Variants in ATP6V1B1 observed in about 807,000 individuals in gnomAD.
ATP6V1B1 encodes ATPase H+ transporting V1 subunit B1, also known as V-type proton ATPase subunit B, kidney isoform.
In ATP6V1B1, 41 loss-of-function variants were observed where a neutral mutation model predicts 62.1. That is an observed-to-expected ratio of 0.66 (90% CI 0.51 to 0.86). The LOEUF (loss-of-function observed/expected upper bound fraction) is 0.86. Ranked by LOEUF, ATP6V1B1 falls within the 40% of genes least tolerant of loss-of-function variation. ATP6V1B1 has a pLI of 0.00. For synonymous variants in ATP6V1B1, 253 were observed against 273.4 expected (o/e 0.93, Z 0.74); for missense variants, 651 against 697.5 (o/e 0.93, Z 0.75).
chr2:70,957,147 C>T (rs145175669), intron 2 of ATP6V1B1, among the ~76,000 whole-genome samples: 5,484 of 141,406 alleles, frequency 0.039, 176 homozygotes, highest in East Asian at 0.11. Flanking sequence ...AGTGCAGTGG[C>T]GTGATGTCGG....
intron 2 of ATP6V1B1, chr2:70,947,679 C>A (rs1178694735): frequency 6.6e-6 from 1 of 152,260 alleles, no homozygotes; most frequent in Non-Finnish European, 1.5e-5. Flanking sequence ...TTCCTGTGCA[C>A]AAATCCCGAC....
chr2:70,942,706 G>T (rs1402004635), intron 1 of ATP6V1B1, among the ~76,000 whole-genome samples: 1 of 152,210 alleles, frequency 6.6e-6, no homozygotes, highest in Non-Finnish European at 1.5e-5. Context: ...GTGAAAGAGG[G>T]GTTGGGCCAC....
intron 1 of ATP6V1B1, chr2:70,940,330 CCCCT>C: frequency 1.2e-6 from 1 of 833,488 alleles, no homozygotes; most frequent in Non-Finnish European, 1.4e-6. Flanking sequence ...TGGGCCCCAT[CCCCT>C]CCCACACCCC....
chr2:70,944,762 A>G (rs1179576445), intron 2 of ATP6V1B1, among the ~76,000 whole-genome samples: 1 of 143,992 alleles, frequency 6.9e-6, no homozygotes, highest in Admixed American at 7.3e-5. Context: ...TCCGCCCTCC[A>G]GGTTCACGCT....
chr2:70,957,756 C>A (rs1011868292), intron 2 of ATP6V1B1: 8 of 436,842 alleles, frequency 1.8e-5, no homozygotes, highest in African/African-American at 1.6e-4. Context: ...TTACTTATGA[C>A]TTACGTATTT....
At chr2:70,961,054 G>C (rs1553420010) in intron 7 of ATP6V1B1, 32 bp downstream of exon 7, 1 of 1,552,520 alleles carries the variant, frequency 6.4e-7, no homozygotes. Flanking sequence ...GCAAGTTCTG[G>C]AGGCTGTGAG....
intron 2 of ATP6V1B1, among the ~76,000 whole-genome samples, chr2:70,945,595 C>T (rs963712433): frequency 1.3e-5 from 2 of 151,122 alleles, no homozygotes; most frequent in Non-Finnish European, 1.5e-5. Context: ...TGTTTTGATA[C>T]ATATAATGCA....
intron 1 of ATP6V1B1, chr2:70,938,453 G>A (rs1679911136): frequency 1.5e-6 from 1 of 681,628 alleles, no homozygotes; most frequent in Non-Finnish European, 1.8e-6. Flanking sequence ...AAAGCTGGGG[G>A]TGCCTAAGGG....
intron 2 of ATP6V1B1, chr2:70,943,922 A>G (rs1553416870): frequency 2.3e-6 from 2 of 886,368 alleles, no homozygotes; most frequent in African/African-American, 3.6e-5. Flanking sequence ...TTCAGTAAAA[A>G]CCATAAAAAC....
At chr2:70,956,460 G>A (rs1236562991) in intron 2 of ATP6V1B1, among the ~76,000 whole-genome samples, 3 of 152,166 alleles carry the variant, frequency 2.0e-5, no homozygotes, top group African/African-American at 7.2e-5. Context: ...CCATTCATCA[G>A]TTGATGGACA....
chr2:70,956,848 G>A (rs1257264715), intron 2 of ATP6V1B1, among the ~76,000 whole-genome samples: 1 of 151,978 alleles, frequency 6.6e-6, no homozygotes, highest in African/African-American at 2.4e-5. Flanking sequence ...GCCTCCCAAA[G>A]TGCTGGGATT....
At chr2:70,940,275 T>A in intron 1 of ATP6V1B1, 1 of 711,382 alleles carries the variant, frequency 1.4e-6, no homozygotes, top group Non-Finnish European at 1.7e-6. Context: ...ACTTGTCTCC[T>A]GAGGCAGTGG....
intron 1 of ATP6V1B1, among the ~76,000 whole-genome samples, chr2:70,938,288 G>A (rs573951744): frequency 1.2e-4 from 19 of 152,156 alleles, no homozygotes; most frequent in Middle Eastern, 6.8e-3. Flanking sequence ...GGGGCCTGTG[G>A]ACAGGCGCAG....
intron 2 of ATP6V1B1, chr2:70,944,010 A>G (rs1289519797): frequency 1.0e-6 from 1 of 985,184 alleles, no homozygotes; most frequent in East Asian, 1.1e-4. Context: ...TTTCCCTATC[A>G]GTGGCATGGA....
At position 70,959,287 on chromosome 2, in the gene ATP6V1B1, T is replaced by C. The variant is rs1441356396; in HGVS notation, c.445+192T>C. On this transcript the variant is annotated intron_variant, in intron 5 of 13. Transcript: ENST00000234396. The surrounding 1 kb of genome is among the most constrained non-coding windows in gnomAD (Gnocchi z 4.2). ...CATGTCCATCCCCTGTAAAATGCCA[T>C]CATCATTGGGCAGTGTTCCACGCCT... Among the ~76,000 whole-genome samples, 10 of 152,158 alleles carry C rather than the reference T, an allele frequency of 6.6e-5. No individual in the cohort carries two copies. Among genetic ancestry groups the C allele is most frequent in the African/African-American group, 1.7e-4 (7 of 41,442 alleles).
rs1428576214 is a variant in ATP6V1B1 at position 70,963,322 on chromosome 2, T to A, written c.1060+10T>A. On this transcript the variant is annotated intron_variant, in intron 10 of 13. Coordinates refer to ENST00000234396, the MANE Select transcript of ATP6V1B1 (RefSeq NM_001692.4). The surrounding 1 kb of genome is among the most constrained non-coding windows in gnomAD (Gnocchi z 4.3). ...ACCATGCCCAACGACGGTAGCCTCC[T>A]CACAGCCCACTACCCTCCAGAGCTC... 3 of 1,612,550 alleles carry A rather than the reference T, an allele frequency of 1.9e-6. No individual in the cohort carries two copies. The African/African-American group carries it at 4.0e-5, about 22-fold the overall frequency.
At chr2:70,942,326 G>A in intron 1 of ATP6V1B1, 1 of 398,742 alleles carries the variant, frequency 2.5e-6, no homozygotes, top group Non-Finnish European at 4.4e-6. Flanking sequence ...TATCTTCTCT[G>A]GCTGTCCTCA....
intron 1 of ATP6V1B1, chr2:70,939,336 T>C (rs1553416055): frequency 6.6e-6 from 1 of 152,434 alleles, no homozygotes; most frequent in Admixed American, 6.5e-5. Context: ...GCAAAGTCTC[T>C]GGAAGGCCCA....
Position 70,950,615 on chromosome 2 carries a change from G to C in ATP6V1B1, c.174+6902G>C, listed in dbSNP as rs183397892. ...TACTACTAAAATAGAAAAAAAAGGA[G>C]GGGGGGAATGATTTTTAAATATTTA... On this transcript the variant is annotated intron_variant, in intron 2 of 13. Transcript: ENST00000234396. Among the ~76,000 whole-genome samples the C allele has an allele frequency of 7.9e-4, 120 of 151,956 alleles. 1 individual carries two copies. Among genetic ancestry groups the C allele is most frequent in the African/African-American group, 2.7e-3 (113 of 41,474 alleles).
Sources: allele counts gnomAD v4.1 joint callset (sites outside exome capture counted in the v4.1 genomes callset), GRCh38; gene constraint gnomAD v4.1.1; non-coding constraint Gnocchi (gnomAD v3.1); transcripts MANE v1.5; gene names NCBI Gene and HGNC (gene_info 2026-07-23, HGNC 2026-07-21).